Variants in IGSF5 observed in about 807,000 individuals in gnomAD.
IGSF5 encodes immunoglobulin superfamily member 5.
Under a neutral mutation model 39.4 loss-of-function variants are expected in IGSF5, and 41 were observed. The observed-to-expected ratio is 1.04, with a 90% CI of 0.81 to 1.35. The LOEUF (loss-of-function observed/expected upper bound fraction) is 1.35, where lower values mean the gene tolerates loss of function less well. Ranked by LOEUF, IGSF5 falls within the 40% of genes most tolerant of loss-of-function variation. IGSF5 has a pLI of 0.00. For synonymous variants in IGSF5, 183 were observed against 175.3 expected (o/e 1.04, Z -0.34); for missense variants, 487 against 494.6 (o/e 0.98, Z 0.15).
At chr21:39,726,851 A>C in the IGSF5 span, among the ~76,000 whole-genome samples, 1 of 151,978 alleles carries the variant, frequency 6.6e-6, no homozygotes, top group Non-Finnish European at 1.5e-5. Context: ...CCATTTTATC[A>C]TCAAAGAGGT....
upstream of IGSF5, among the ~76,000 whole-genome samples, chr21:39,741,672 G>A (rs889424034): frequency 1.3e-5 from 2 of 152,256 alleles, no homozygotes; most frequent in South Asian, 4.1e-4. Flanking sequence ...GAACCCTTGG[G>A]GTAAAACAGT....
rs76594746 is a variant in IGSF5, at chr21:39,801,156, C to T, written c.1129-106C>T. On this transcript the variant is annotated intron_variant, in intron 8 of 8. Transcript: ENST00000380588. ...TTATTTTAACATTTTTGTTCCTCTC[C>T]GTACCTTAATTTTATCTTAACAGAT... 13,467 of 779,118 alleles carry T rather than the reference C, an allele frequency of 0.017. 190 individuals carry two copies. The highest frequency in any genetic ancestry group is 0.022 in the Non-Finnish European group (10,103 of 458,810). 48.3% of individuals were successfully genotyped at this position (779,118 alleles called of 1,614,324 possible). A position where few individuals can be genotyped will look rare whatever the true frequency, so the allele number is the denominator to read the frequency against.
At chr21:39,789,672 A>G (rs2086949711) in intron 6 of IGSF5, among the ~76,000 whole-genome samples, 1 of 152,146 alleles carries the variant, frequency 6.6e-6, no homozygotes, top group Admixed American at 6.6e-5. Flanking sequence ...AAAAATAAAT[A>G]TAAAGATAGG....
chr21:39,801,147 G>A (rs2087026263), intron 8 of IGSF5, 115 bp from the exon 9 acceptor site: 2 of 694,448 alleles, frequency 2.9e-6, no homozygotes, highest in Non-Finnish European at 2.5e-6. Flanking sequence ...TAACATTTTT[G>A]TTCCTCTCCG....
chr21:39,785,858 T>G (rs535951535), intron 5 of IGSF5, among the ~76,000 whole-genome samples: 2 of 152,318 alleles, frequency 1.3e-5, no homozygotes, highest in South Asian at 2.1e-4. Context: ...GCTCTCTGTT[T>G]GTCTGTTGTT....
Position 39,765,617 on chromosome 21 carries a change from C to A in IGSF5, c.183C>A (p.Thr61=). ...LKGSQARFNC[T]VSQGWKLIMW... ...GCTCCCAGGCTCGCTTCAACTGCAC[C>A]GTCTCCCAGGGCTGGAAGCTCATCA... Residue 61 remains threonine (T), a synonymous_variant, in exon 3 of 9, where the codon ACC becomes ACA. Coordinates refer to ENST00000380588, the MANE Select transcript of IGSF5 (RefSeq NM_001080444.2). 3 of 1,614,076 alleles carry A rather than the reference C, an allele frequency of 1.9e-6. No homozygotes were observed. The highest frequency in any genetic ancestry group is 2.5e-6 in the Non-Finnish European group (3 of 1,179,984).
chr21:39,770,991 CCTCACACTGGACCCGG>C lies in IGSF5; in HGVS notation c.498_513del (p.His167ArgfsTer29). On this transcript the variant is annotated frameshift_variant, in exon 4 of 9. Transcript: ENST00000380588. LOFTEE classifies it high-confidence loss of function. ...GAACCTTGTGAAGTTACTTGTCTAC[CCTCACACTGGACCCGG>C]CTCCCGGATATTTCCTGGGAGCTCG... 1 of 1,613,118 alleles carries C rather than the reference CCTCACACTGGACCCGG, an allele frequency of 6.2e-7. No individual in the cohort carries two copies. Among genetic ancestry groups the C allele is most frequent in the Non-Finnish European group, 8.5e-7 (1 of 1,179,624 alleles).
In IGSF5 at chr21:39,765,793, A is replaced by ACAT; in HGVS notation, c.362_364dup (p.Ile121dup). The stretch of plus-strand genomic sequence containing the variant: ...AATGTGGAGCCCAGTGATTCGGGGA[A>ACAT]CATCAGATGCAGCCTCCAGAACAGT... On this transcript the variant is annotated inframe_insertion, in exon 3 of 9. Transcript: ENST00000380588. 1 of 1,614,084 alleles carries ACAT rather than the reference A, an allele frequency of 6.2e-7. No individual in the cohort carries two copies. The highest frequency in any genetic ancestry group is 1.3e-5 in the African/African-American group (1 of 75,052).
At chr21:39,732,407 C>T in the IGSF5 span, among the ~76,000 whole-genome samples, 14 of 152,206 alleles carry the variant, frequency 9.2e-5, no homozygotes, top group Non-Finnish European at 1.9e-4. Flanking sequence ...AGGGGAAAAA[C>T]AGCTCTTGCA....
At chr21:39,739,045 C>A in the IGSF5 span, among the ~76,000 whole-genome samples, 6 of 152,132 alleles carry the variant, frequency 3.9e-5, no homozygotes, top group South Asian at 1.2e-3. Context: ...CCCGCCACCA[C>A]GCCCAGCTAA....
At chr21:39,768,027 C>G (rs1009306924) in intron 3 of IGSF5, among the ~76,000 whole-genome samples, 1 of 152,208 alleles carries the variant, frequency 6.6e-6, no homozygotes, top group African/African-American at 2.4e-5. Flanking sequence ...CATCTTTTCC[C>G]AAAGTCACAA....
In IGSF5 at chr21:39,748,576, C is replaced by T. The variant is rs547426976; in HGVS notation, c.100+2278C>T. On this transcript the variant is annotated intron_variant, in intron 2 of 8. Coordinates refer to ENST00000380588, the MANE Select transcript of IGSF5 (RefSeq NM_001080444.2). ...TGCCCACTTTGGCCTCTCAAGAGAA[C>T]GAGATCTTATAAGGACCTGAGTCCC... is the stretch of plus-strand genomic sequence containing the variant. 5.4e-3 allele frequency among the ~76,000 whole-genome samples: 819 copies of T among 152,054 alleles called. 2 individuals are homozygous for T. Among genetic ancestry groups the T allele is most frequent in the Non-Finnish European group, 9.1e-3 (617 of 68,006 alleles).
intron 4 of IGSF5, among the ~76,000 whole-genome samples, chr21:39,771,864 A>G (rs1477341516): frequency 6.6e-6 from 1 of 152,190 alleles, no homozygotes; most frequent in Non-Finnish European, 1.5e-5. Flanking sequence ...TGGGCCCGGG[A>G]TGCTGGAGAT....
chr21:39,771,208 TC>T lies in IGSF5; in HGVS notation c.715del (p.Gln239LysfsTer19). The T allele has an allele frequency of 6.4e-7, 1 of 1,560,226 alleles. No individual in the cohort carries two copies. Among genetic ancestry groups the T allele is most frequent in the Admixed American group, 1.9e-5 (1 of 53,800 alleles). ...ATVNLTVIRC[P>X]QDTGGGINIP... ...CTGTAAATCTCACTGTGATTCGGTG[TC>T]CCCAAGGTAAGTGAAGACATTCTGC... On this transcript the variant is annotated frameshift_variant, in exon 4 of 9. Transcript: ENST00000380588. LOFTEE classifies it high-confidence loss of function.
intron 5 of IGSF5, among the ~76,000 whole-genome samples, chr21:39,780,808 A>G (rs901360602): frequency 6.6e-6 from 1 of 152,230 alleles, no homozygotes; most frequent in East Asian, 1.9e-4. Flanking sequence ...CGGATGCTTT[A>G]TCATGAGAAT....
chr21:39,778,034 C>A (rs2080149632), intron 4 of IGSF5, among the ~76,000 whole-genome samples: 2 of 152,174 alleles, frequency 1.3e-5, no homozygotes, highest in Admixed American at 1.3e-4. Flanking sequence ...ACCACCCAAG[C>A]ACGCAGGGTT....
the IGSF5 span, among the ~76,000 whole-genome samples, chr21:39,726,329 G>A: frequency 2.6e-5 from 4 of 152,226 alleles, no homozygotes; most frequent in Admixed American, 2.0e-4. Context: ...CTCTAGTGGA[G>A]GCCTGGGAGA....
chr21:39,767,845 A>G (rs377056104), intron 3 of IGSF5, among the ~76,000 whole-genome samples: 1 of 152,294 alleles, frequency 6.6e-6, no homozygotes, highest in East Asian at 1.9e-4. Context: ...GGATGATTTC[A>G]TGGAGAAGGT....
At chr21:39,798,380 GGT>G (rs1251771473) in intron 8 of IGSF5, among the ~76,000 whole-genome samples, 1 of 152,182 alleles carries the variant, frequency 6.6e-6, no homozygotes, top group African/African-American at 2.4e-5. Context: ...GTTCTACTGG[GGT>G]TGGTAGTGCC....
Sources: gnomAD v4.1 joint callset for allele counts (sites outside exome capture counted in the v4.1 genomes callset) on GRCh38, gnomAD v4.1.1 for gene constraint, MANE v1.5 for transcripts, NCBI Gene and HGNC (gene_info 2026-07-23, HGNC 2026-07-21) for gene names.